The following ZCCHC7 variants were observed in gnomAD, a reference collection of about 807,000 sequenced individuals.
ZCCHC7 encodes zinc finger CCHC domain-containing protein 7.
A neutral mutation model predicts 52.0 loss-of-function variants in ZCCHC7; 35 were observed. The ratio of observed to expected loss-of-function variants is 0.67; its 90% CI spans 0.51 to 0.89. The LOEUF is 0.89. Among genes scored for constraint, ZCCHC7 ranks in the 40% least tolerant of loss-of-function variants. ZCCHC7 has a pLI of 0.00. For missense variants in ZCCHC7, 574 were observed against 649.1 expected (o/e 0.88, Z 1.26); for synonymous variants, 217 against 221.5 (o/e 0.98, Z 0.18).
At chr9:37,166,190 T>C (rs1821409513) in intron 2 of ZCCHC7, among the ~76,000 whole-genome samples, 1 of 151,682 alleles carries the variant, frequency 6.6e-6, no homozygotes, top group Non-Finnish European at 1.5e-5. Context: ...AGGTCAGGAG[T>C]TCGAGACCAG....
chr9:37,228,461 C>G (rs1363508224), intron 2 of ZCCHC7, among the ~76,000 whole-genome samples: 1 of 151,890 alleles, frequency 6.6e-6, no homozygotes, highest in Non-Finnish European at 1.5e-5. Context: ...TGGCTAACTG[C>G]AGCCTCGAAC....
chr9:37,169,813 C>T (rs142453164), intron 2 of ZCCHC7, among the ~76,000 whole-genome samples: 5 of 152,208 alleles, frequency 3.3e-5, no homozygotes, highest in Admixed American at 1.3e-4. Flanking sequence ...TGCAGTCCCA[C>T]CCAGCACATT....
At chr9:37,183,463 C>G (rs1822478521) in intron 2 of ZCCHC7, among the ~76,000 whole-genome samples, 1 of 152,202 alleles carries the variant, frequency 6.6e-6, no homozygotes, top group South Asian at 2.1e-4. Context: ...TTTAGAACCA[C>G]TGTGTGAGTA....
chr9:37,221,235 G>T (rs1824795116), intron 2 of ZCCHC7, among the ~76,000 whole-genome samples: 1 of 152,208 alleles, frequency 6.6e-6, no homozygotes, highest in Non-Finnish European at 1.5e-5. Context: ...CCACTGGTAT[G>T]CAGGATAGAG....
At chr9:37,309,385 T>C (rs1829488301) in intron 5 of ZCCHC7, among the ~76,000 whole-genome samples, 1 of 152,250 alleles carries the variant, frequency 6.6e-6, no homozygotes, top group Admixed American at 6.5e-5. Context: ...CCCTATCAAA[T>C]GCTTGCTGCT....
In ZCCHC7 at chr9:37,303,655, CTTTT is replaced by C. The variant is rs74182940; in HGVS notation, c.655-511_655-508del. 6.7e-3 allele frequency among the ~76,000 whole-genome samples: 382 copies of C among 56,752 alleles called. 1 individual carries two copies. Among genetic ancestry groups the C allele is most frequent in the African/African-American group, 0.029 (361 of 12,656 alleles). The allele number at this position is 56,752 out of a possible 152,430, so 37.2% of individuals were successfully genotyped here. A position where few individuals can be genotyped will look rare whatever the true frequency, so the allele number is the denominator to read the frequency against. ...CACCTCCTTTTATGTTTTTCTACCT[CTTTT>C]TTTTTTTTTTTTTTTTTTTTTGAGA... On this transcript the variant is annotated intron_variant, in intron 3 of 8. Coordinates refer to ENST00000336755, the MANE Select transcript of ZCCHC7 (RefSeq NM_032226.3).
intron 2 of ZCCHC7, among the ~76,000 whole-genome samples, chr9:37,256,179 A>G (rs945466969): frequency 6.6e-6 from 1 of 152,178 alleles, no homozygotes; most frequent in Non-Finnish European, 1.5e-5. Context: ...ATAAATTATG[A>G]TAGGTCATGG....
intron 2 of ZCCHC7, among the ~76,000 whole-genome samples, chr9:37,189,180 G>T (rs1389078715): frequency 6.6e-6 from 1 of 151,114 alleles, no homozygotes; most frequent in Admixed American, 6.6e-5. Flanking sequence ...GTTTGCCCTT[G>T]TTGGAACATT....
intron 6 of ZCCHC7, among the ~76,000 whole-genome samples, chr9:37,340,092 A>G (rs1820526821): frequency 6.6e-6 from 1 of 152,182 alleles, no homozygotes; most frequent in South Asian, 2.1e-4. Context: ...GCATTCATTC[A>G]TTCATTCCAC....
chr9:37,310,964 A>G (rs1430418015), intron 5 of ZCCHC7, among the ~76,000 whole-genome samples: 1 of 150,960 alleles, frequency 6.6e-6, no homozygotes. Context: ...CTTTTTAAAA[A>G]AAAAAAAAAA....
intron 1 of ZCCHC7, among the ~76,000 whole-genome samples, chr9:37,125,293 C>T (rs1842495319): frequency 6.6e-6 from 1 of 152,198 alleles, no homozygotes; most frequent in African/African-American, 2.4e-5. Context: ...GCTGGGACTA[C>T]AGGTTTGCAC....
intron 2 of ZCCHC7, among the ~76,000 whole-genome samples, chr9:37,230,551 A>G (rs911000582): frequency 6.6e-6 from 1 of 152,194 alleles, no homozygotes; most frequent in African/African-American, 2.4e-5. Flanking sequence ...TTAAATATCA[A>G]GTGTTTATTG....
intron 2 of ZCCHC7, among the ~76,000 whole-genome samples, chr9:37,133,954 C>G (rs531361454): frequency 2.0e-5 from 3 of 152,218 alleles, no homozygotes; most frequent in African/African-American, 7.2e-5. Context: ...GAACTCCTGG[C>G]CTCAAGTGAT....
At chr9:37,204,897 G>C (rs1823822778) in intron 2 of ZCCHC7, among the ~76,000 whole-genome samples, 1 of 152,152 alleles carries the variant, frequency 6.6e-6, no homozygotes, top group Admixed American at 6.5e-5. Context: ...GGATTTTGCT[G>C]TTTGATCATG....
chr9:37,129,785 A>C (rs1316444297), intron 2 of ZCCHC7, among the ~76,000 whole-genome samples: 2 of 152,228 alleles, frequency 1.3e-5, no homozygotes, highest in African/African-American at 2.4e-5. Context: ...TCTTTTCCAT[A>C]CTCATAAACC....
At chr9:37,233,626 C>A (rs1825507829) in intron 2 of ZCCHC7, among the ~76,000 whole-genome samples, 2 of 152,056 alleles carry the variant, frequency 1.3e-5, no homozygotes, top group Non-Finnish European at 2.9e-5. Flanking sequence ...GTCAAGTAAC[C>A]ATTAAGTAGA....
At chr9:37,234,380 A>C (rs1284546787) in intron 2 of ZCCHC7, among the ~76,000 whole-genome samples, 1 of 152,212 alleles carries the variant, frequency 6.6e-6, no homozygotes, top group African/African-American at 2.4e-5. Flanking sequence ...CTTAACACCT[A>C]TGTCTCAGAC....
At chr9:37,333,576 A>G (rs998075869) in intron 6 of ZCCHC7, among the ~76,000 whole-genome samples, 4 of 151,662 alleles carry the variant, frequency 2.6e-5, no homozygotes, top group Non-Finnish European at 5.9e-5. Flanking sequence ...TTATCTGTTA[A>G]CAAATGTTTA....
At chr9:37,190,871 A>G (rs1822981987) in intron 2 of ZCCHC7, among the ~76,000 whole-genome samples, 1 of 151,948 alleles carries the variant, frequency 6.6e-6, no homozygotes, top group Admixed American at 6.6e-5. Flanking sequence ...AAAAATACCA[A>G]ATTAGCTGGG....
Sources: allele counts gnomAD v4.1 joint callset (sites outside exome capture counted in the v4.1 genomes callset), GRCh38; gene constraint gnomAD v4.1.1; transcripts MANE v1.5; gene names NCBI Gene and HGNC (gene_info 2026-07-23, HGNC 2026-07-21).